NUP133: variants seen among roughly 807,000 people sequenced by gnomAD.
The protein encoded by NUP133 is nucleoporin 133.
In NUP133, 66 loss-of-function variants were observed where a neutral mutation model predicts 146.2. The observed-to-expected ratio is 0.45, with a 90% CI of 0.37 to 0.55. The LOEUF (loss-of-function observed/expected upper bound fraction) is 0.55, where lower values mean the gene tolerates loss of function less well. NUP133 is among the 20% of genes least tolerant of loss of function. The pLI, the probability that NUP133 is intolerant of heterozygous loss-of-function variation, is 0.00. For synonymous variants in NUP133, 521 were observed against 498.8 expected, an observed-to-expected ratio of 1.04 and a Z score of -0.59; for missense variants, 1,277 against 1,374.8, an observed-to-expected ratio of 0.93 and a Z score of 1.12.
intron 19 of NUP133, among the ~76,000 whole-genome samples, chr1:229,462,291 T>C (rs138992923): frequency 2.8e-4 from 42 of 152,328 alleles, no homozygotes; most frequent in Non-Finnish European, 5.3e-4. Context: ...ATGTTTGCAA[T>C]GTATCAAGTG....
chr1:229,446,292 C>T (rs986524625), intron 24 of NUP133, among the ~76,000 whole-genome samples: 2 of 151,858 alleles, frequency 1.3e-5, no homozygotes, highest in African/African-American at 4.8e-5. Flanking sequence ...GCCTGTAATC[C>T]CAGCTACTTG....
chr1:229,499,360 C>G (rs1661740580), intron 5 of NUP133: 12 of 444,982 alleles, frequency 2.7e-5, no homozygotes, highest in South Asian at 2.1e-4. Flanking sequence ...GAAGAGCCTC[C>G]CTTGTCTAAC....
In NUP133 at chr1:229,464,849, T is replaced by C. The variant is rs773675129; in HGVS notation, c.2326A>G (p.Thr776Ala). Residue 776 changes from threonine (T) to alanine (A), a missense_variant, in exon 18 of 26, where the codon ACG becomes GCG. Transcript: ENST00000261396. Reference sequence around the variant, plus strand: ...ATCTCATGCTGGCGTATTATTACCGTTCGGATGCCACCAGGACCACTTGTT... The same window carrying C: ...ATCTCATGCTGGCGTATTATTACCGCTCGGATGCCACCAGGACCACTTGTT... ...TATSGPGGIR[T>A]VIIRQHEIVL... 9 of 1,614,088 alleles carry C rather than the reference T, an allele frequency of 5.6e-6. No individual in the cohort carries two copies. The South Asian group carries it at 7.7e-5, about 14-fold the overall frequency.
rs534154574 is a variant in NUP133 at position 229,494,295 on chromosome 1, C to T, written c.1046+1200G>A. ...TAAACAAGTACTATTACTTTTACCTCTTTGATAGCTTTTATAAGGTTTTCA... is the reference window on the plus strand; with the variant it reads ...TAAACAAGTACTATTACTTTTACCTTTTTGATAGCTTTTATAAGGTTTTCA... On this transcript the variant is annotated intron_variant, in intron 8 of 25. Coordinates refer to ENST00000261396, the MANE Select transcript of NUP133 (RefSeq NM_018230.3). 2.6e-5 allele frequency among the ~76,000 whole-genome samples: 4 copies of T among 152,246 alleles called. No individual in the cohort carries two copies. In the South Asian group the frequency reaches 6.2e-4, roughly 24 times the overall value.
chr1:229,448,259 T>C (rs1660358857), intron 24 of NUP133, among the ~76,000 whole-genome samples: 1 of 152,010 alleles, frequency 6.6e-6, no homozygotes, highest in African/African-American at 2.4e-5. Flanking sequence ...TGAAACCCTA[T>C]CTCTACTAAA....
In NUP133 at chr1:229,484,153, ATAAC is replaced by A. The variant is rs1661288415; in HGVS notation, c.1501-12_1501-9del. ...GGTCTCAAAAATCATACTCTGCAAA[ATAAC>A]AAAGTATAGTTTAGAGGTAAAGGCA... On this transcript the variant is annotated splice_polypyrimidine_tract_variant and intron_variant, in intron 11 of 25. Transcript: ENST00000261396. The A allele has an allele frequency of 6.3e-7, 1 of 1,589,538 alleles. No individual in the cohort carries two copies.
chr1:229,477,866 C>A (rs553607275), intron 12 of NUP133, 106 bp from the exon 13 acceptor site: 8 of 800,272 alleles, frequency 1.0e-5, no homozygotes, highest in Non-Finnish European at 1.4e-5. Flanking sequence ...AAAAAGAATG[C>A]GATCCTGTCA....
intron 21 of NUP133, among the ~76,000 whole-genome samples, chr1:229,457,365 TA>T (rs1377035036): frequency 6.6e-6 from 1 of 152,180 alleles, no homozygotes; most frequent in African/African-American, 2.4e-5. Flanking sequence ...TCCTTGGTTC[TA>T]AAAAATAATA....
At chr1:229,472,300 C>T (rs1405649650) in intron 14 of NUP133, among the ~76,000 whole-genome samples, 2 of 132,954 alleles carry the variant, frequency 1.5e-5, no homozygotes, top group Non-Finnish European at 3.1e-5. Context: ...GCCTGGGCGA[C>T]AGAGCGAGAC....
At chr1:229,499,236 T>C (rs772240996) in intron 5 of NUP133, 2 of 471,126 alleles carry the variant, frequency 4.2e-6, no homozygotes, top group South Asian at 3.1e-5. Context: ...AAGAAGATAA[T>C]GCAAGCCATT....
chr1:229,456,841 T>C (rs185046600), intron 21 of NUP133, among the ~76,000 whole-genome samples: 367 of 152,026 alleles, frequency 2.4e-3, no homozygotes, highest in African/African-American at 8.6e-3. Context: ...TTTTTTTTTT[T>C]TTCTGAGGCA....
rs1661809867 is a variant in NUP133, at chr1:229,501,900, A to G, written c.405+99T>C. On this transcript the variant is annotated intron_variant, in intron 3 of 25. Transcript: ENST00000261396. ...ACTCTTAATGCCTAAGTAGTTTCCT[A>G]TTGACTATCCTCCAACTGTAAAAAA... The G allele has an allele frequency of 4.9e-6, 4 of 816,772 alleles. No homozygotes were observed. The South Asian group carries it at 6.3e-5, about 13-fold the overall frequency. The allele number at this position is 816,772 out of a possible 1,614,324, so 50.6% of individuals were successfully genotyped here.
At chr1:229,465,905 A>G (rs372826308) in intron 16 of NUP133, among the ~76,000 whole-genome samples, 182 of 151,564 alleles carry the variant, frequency 1.2e-3, no homozygotes, top group South Asian at 4.0e-3. Context: ...AAAAAAAAAA[A>G]AAAAGAAAAG....
rs1571904678 is a variant in NUP133, at chr1:229,448,953, A to C, written c.3245+173T>G. The stretch of plus-strand genomic sequence containing the variant: ...GATTGTATCAGGACTGAACTAAATT[A>C]AAGGACATTCAGCTGGTGCCCACCA... On this transcript the variant is annotated intron_variant, in intron 24 of 25. Coordinates refer to ENST00000261396, the MANE Select transcript of NUP133 (RefSeq NM_018230.3). The C allele has an allele frequency of 8.0e-6, 5 of 621,526 alleles. No homozygotes were observed. The East Asian group carries it at 1.4e-4, about 17-fold the overall frequency. The allele number at this position is 621,526 out of a possible 1,614,324, so 38.5% of individuals were successfully genotyped here.
Position 229,506,105 on chromosome 1 carries a change from T to C in NUP133, c.236A>G (p.Tyr79Cys), listed in dbSNP as rs745558330. Reference protein sequence around the residue: ...PHHSITESVNYDVKTFGSSLP... With the variant: ...PHHSITESVNCDVKTFGSSLP... Reference sequence around the variant, plus strand: ...AGAAGATCCAAACGTTTTCACATCATAGTTCACAGACTCAGTTATGGAGTG... The same window carrying C: ...AGAAGATCCAAACGTTTTCACATCACAGTTCACAGACTCAGTTATGGAGTG... Residue 79 changes from tyrosine to cysteine, a missense_variant, in exon 2 of 26, where the codon TAT becomes TGT. Physicochemically the swap from Tyr to Cys is radical, Grantham distance 194 (BLOSUM62 -2). Coordinates refer to ENST00000261396, the MANE Select transcript of NUP133 (RefSeq NM_018230.3). The C allele has an allele frequency of 6.2e-7, 1 of 1,613,724 alleles. No homozygotes were observed. Among genetic ancestry groups the C allele is most frequent in the Non-Finnish European group, 8.5e-7 (1 of 1,179,698 alleles).
At chr1:229,484,029 C>T in intron 12 of NUP133, 25 bp downstream of exon 12, 1 of 1,510,488 alleles carries the variant, frequency 6.6e-7, no homozygotes, top group Non-Finnish European at 9.2e-7. Flanking sequence ...ATAAAATAAT[C>T]CATAATTTAA....
chr1:229,477,792 G>A (rs1661113947), intron 12 of NUP133, 32 bp from the exon 13 acceptor site: 1 of 1,542,006 alleles, frequency 6.5e-7, no homozygotes, highest in African/African-American at 1.4e-5. Flanking sequence ...CAAGTATTAA[G>A]GGAGGCAAAA....
At chr1:229,486,044 C>G (rs1230797642) in intron 11 of NUP133, among the ~76,000 whole-genome samples, 1 of 152,002 alleles carries the variant, frequency 6.6e-6, no homozygotes, top group Middle Eastern at 3.2e-3. Context: ...TGTCTGTAGT[C>G]CCAGCTATTT....
At position 229,465,432 on chromosome 1, in the gene NUP133, C is replaced by G; in HGVS notation, c.2287G>C (p.Val763Leu). 1 of 1,607,378 alleles carries G rather than the reference C, an allele frequency of 6.2e-7. No homozygotes were observed. The highest frequency in any genetic ancestry group is 2.2e-5 in the East Asian group (1 of 44,828). Residue 763 changes from valine to leucine, a missense_variant, in exon 17 of 26, where the codon GTT becomes CTT. Transcript: ENST00000261396. ...ATCAGTATATTACCCGTCCATGGAA[C>G]ATATTCAGGTTCTTTTTCTAGTGAT... ...EESLEKEPEY[V>L]PWTATSGPGG... is the part of the protein sequence containing the mutation.
Sources: allele counts gnomAD v4.1 joint callset (sites outside exome capture counted in the v4.1 genomes callset), GRCh38; gene constraint gnomAD v4.1.1; transcripts MANE v1.5; gene names NCBI Gene and HGNC (gene_info 2026-07-23, HGNC 2026-07-21).